Variants in FGGY observed in about 807,000 individuals in gnomAD.
The protein encoded by FGGY is FGGY carbohydrate kinase domain-containing protein.
In FGGY, 72 loss-of-function variants were observed where a neutral mutation model predicts 71.3. That is an observed-to-expected ratio of 1.01 (90% CI 0.84 to 1.23). The LOEUF (loss-of-function observed/expected upper bound fraction) is 1.23. FGGY is among the 50% of genes most tolerant of loss of function. The pLI, the probability that FGGY is intolerant of heterozygous loss-of-function variation, is 0.00. For synonymous variants in FGGY, 251 were observed against 250.3 expected (o/e 1.00, Z -0.02); for missense variants, 668 against 682.3 (o/e 0.98, Z 0.23).
At chr1:59,709,411 C>T (rs1434353198) in intron 14 of FGGY, among the ~76,000 whole-genome samples, 9 of 151,046 alleles carry the variant, frequency 6.0e-5, no homozygotes, top group African/African-American at 1.5e-4. Flanking sequence ...TCCCTCAATA[C>T]GTGGGGATTA....
intron 3 of FGGY, among the ~76,000 whole-genome samples, chr1:59,344,019 G>A (rs1411144123): frequency 6.6e-6 from 1 of 152,122 alleles, no homozygotes; most frequent in Middle Eastern, 3.2e-3. Context: ...ATAGGAGCTG[G>A]ACATCAGTAT....
intron 5 of FGGY, among the ~76,000 whole-genome samples, chr1:59,422,766 G>T (rs12561815): frequency 1.3e-5 from 2 of 151,820 alleles, no homozygotes; most frequent in Non-Finnish European, 2.9e-5. Context: ...TAAGCACTAG[G>T]TAAATATTAA....
intron 3 of FGGY, among the ~76,000 whole-genome samples, chr1:59,342,731 CAG>C (rs1442700663): frequency 6.6e-6 from 1 of 152,124 alleles, no homozygotes; most frequent in Non-Finnish European, 1.5e-5. Flanking sequence ...TTGTGAGGAG[CAG>C]AGAGTGGGGT....
intron 6 of FGGY, among the ~76,000 whole-genome samples, chr1:59,500,199 G>A (rs943164058): frequency 5.9e-5 from 9 of 152,176 alleles, no homozygotes; most frequent in African/African-American, 2.2e-4. Context: ...TAGATTTAAG[G>A]AAGAGCAAAG....
chr1:59,704,749 G>A (rs975616589), intron 14 of FGGY, among the ~76,000 whole-genome samples: 3 of 152,044 alleles, frequency 2.0e-5, no homozygotes, highest in African/African-American at 7.2e-5. Flanking sequence ...ATTATTGTTG[G>A]TGTAGTTCTT....
At chr1:59,575,767 T>A (rs945787233) in intron 8 of FGGY, among the ~76,000 whole-genome samples, 17 of 152,340 alleles carry the variant, frequency 1.1e-4, no homozygotes, top group South Asian at 4.1e-4. Context: ...CTTATTTTTT[T>A]AAAATGTGCA....
At chr1:59,592,525 G>T (rs1049910583) in intron 8 of FGGY, among the ~76,000 whole-genome samples, 1 of 152,046 alleles carries the variant, frequency 6.6e-6, no homozygotes, top group African/African-American at 2.4e-5. Context: ...GCAAAGACTT[G>T]GAACCAACCC....
intron 5 of FGGY, among the ~76,000 whole-genome samples, chr1:59,431,405 G>A (rs1158911815): frequency 6.6e-6 from 1 of 152,092 alleles, no homozygotes; most frequent in Non-Finnish European, 1.5e-5. Flanking sequence ...TTTCAACTCT[G>A]TATTTTCGCA....
chr1:59,537,395 T>A (rs1001350875), intron 7 of FGGY, among the ~76,000 whole-genome samples: 1 of 152,116 alleles, frequency 6.6e-6, no homozygotes, highest in Non-Finnish European at 1.5e-5. Flanking sequence ...ATAGGAAGAA[T>A]CAATATCATG....
intron 14 of FGGY, among the ~76,000 whole-genome samples, chr1:59,721,002 T>C (rs2097887225): frequency 6.6e-6 from 1 of 152,206 alleles, no homozygotes; most frequent in Non-Finnish European, 1.5e-5. Flanking sequence ...GTTCCCTCCG[T>C]GTGGAATCAT....
intron 11 of FGGY, among the ~76,000 whole-genome samples, chr1:59,651,099 C>A (rs1381217340): frequency 6.6e-6 from 1 of 151,452 alleles, no homozygotes; most frequent in Admixed American, 6.6e-5. Flanking sequence ...AGTTTGATTG[C>A]ACTGTGGTCT....
intron 8 of FGGY, among the ~76,000 whole-genome samples, chr1:59,561,326 C>T (rs2095790604): frequency 6.6e-6 from 1 of 152,126 alleles, no homozygotes; most frequent in Admixed American, 6.6e-5. Context: ...CCAGCATTCT[C>T]AGGACACTCT....
chr1:59,724,483 CAA>C (rs1247971467), intron 14 of FGGY, among the ~76,000 whole-genome samples: 8 of 134,730 alleles, frequency 5.9e-5, no homozygotes, highest in African/African-American at 2.7e-5. Context: ...GACTCCATCT[CAA>C]AAAAAAAAAA....
intron 14 of FGGY, among the ~76,000 whole-genome samples, chr1:59,734,333 G>T (rs1429363398): frequency 6.6e-6 from 1 of 152,122 alleles, no homozygotes; most frequent in African/African-American, 2.4e-5. Flanking sequence ...CTCCCAGGTA[G>T]CTGGGACCGC....
chr1:59,298,794 C>A (rs936367610), intron 1 of FGGY, among the ~76,000 whole-genome samples: 11 of 152,204 alleles, frequency 7.2e-5, no homozygotes, highest in African/African-American at 2.4e-5. Flanking sequence ...ACAGAGATCA[C>A]TTACCTTCTC....
chr1:59,484,650 G>A (rs1042751675), intron 6 of FGGY, among the ~76,000 whole-genome samples: 2 of 152,052 alleles, frequency 1.3e-5, no homozygotes, highest in South Asian at 2.1e-4. Flanking sequence ...AAAAGATTTG[G>A]TAATAAAAAG....
At position 59,378,778 on chromosome 1, in the gene FGGY, G is replaced by A. The variant is rs1231817929; in HGVS notation, c.495G>A (p.Ala165=). 9.3e-6 allele frequency: 15 copies of A among 1,613,440 alleles called. No homozygotes were observed. The highest frequency in any genetic ancestry group is 2.2e-5 in the South Asian group (2 of 91,058). ...TGAGAGAGATTTGCTGGGATAAGGC[G>A]GGACATTTCTTTGATCTCCCGGACT... ...ENLREICWDK[A]GHFFDLPDFL... Residue 165 remains alanine (A), a synonymous_variant, in exon 5 of 16, where the codon GCG becomes GCA. Coordinates refer to ENST00000303721, the MANE Select transcript of FGGY (RefSeq NM_018291.5).
At chr1:59,536,762 C>A (rs1228905174) in intron 7 of FGGY, among the ~76,000 whole-genome samples, 1 of 152,172 alleles carries the variant, frequency 6.6e-6, no homozygotes, top group Non-Finnish European at 1.5e-5. Flanking sequence ...ACATGATTAT[C>A]TCAATAGATG....
chr1:59,488,292 C>T (rs2093715434), intron 6 of FGGY, among the ~76,000 whole-genome samples: 1 of 151,816 alleles, frequency 6.6e-6, no homozygotes, highest in Non-Finnish European at 1.5e-5. Context: ...TTATTTTCTG[C>T]ATCTGACAGA....
Sources: allele counts gnomAD v4.1 joint callset (sites outside exome capture counted in the v4.1 genomes callset), GRCh38; gene constraint gnomAD v4.1.1; transcripts MANE v1.5; gene names NCBI Gene and HGNC (gene_info 2026-07-23, HGNC 2026-07-21).